FUZ: variants seen among roughly 807,000 people sequenced by gnomAD.
FUZ encodes the protein fuzzy planar cell polarity protein, also known as protein fuzzy homolog.
FUZ carries 31 observed loss-of-function variants against 43.1 expected under a neutral mutation model. The ratio of observed to expected loss-of-function variants is 0.72; its 90% CI spans 0.54 to 0.97. The LOEUF (loss-of-function observed/expected upper bound fraction) is 0.97, where lower values mean the gene tolerates loss of function less well. Among genes scored for constraint, FUZ ranks in the 50% least tolerant of loss-of-function variants. The pLI, the probability that FUZ is intolerant of heterozygous loss-of-function variation, is 0.00. For synonymous variants in FUZ, 274 were observed against 250.0 expected (o/e 1.10, Z -0.91); for missense variants, 539 against 543.8 (o/e 0.99, Z 0.09).
In FUZ at chr19:49,808,747, C is replaced by G; in HGVS notation, c.863G>C (p.Ser288Thr). 6.3e-7 allele frequency: 1 copy of G among 1,582,974 alleles called. No individual in the cohort carries two copies. The highest frequency in any genetic ancestry group is 1.1e-5 in the South Asian group (1 of 87,292). The change falls in exon 8 of 11, where the codon AGT becomes ACT. Residue 288 changes from serine to threonine, a missense_variant. Ser to Thr is a moderately conservative substitution (Grantham distance 58). Transcript: ENST00000313777. ...GATGTCTGTGTGAAGGGGGAAGCCA[C>G]TGGGCAGCGCCCGGGGTCCCAACGG... The part of the protein sequence containing the change: ...CLPLGPRALP[S>T]GFPLHTDILG...
chr19:49,808,208 G>C, intron 10 of FUZ: 1 of 644,708 alleles, frequency 1.6e-6, no homozygotes, highest in Non-Finnish European at 2.8e-6. Flanking sequence ...CTATGATCCA[G>C]GAGATTCTGA....
In FUZ at chr19:49,809,879, G is replaced by A. The variant is rs542284107; in HGVS notation, c.493-304C>T. The A allele has an allele frequency of 2.4e-5, 12 of 490,654 alleles. No individual in the cohort carries two copies. The South Asian group carries it at 2.5e-4, about 10-fold the overall frequency. 30.4% of individuals were successfully genotyped at this position (490,654 alleles called of 1,614,324 possible). A position where few individuals can be genotyped will look rare whatever the true frequency, so the allele number is the denominator to read the frequency against. On this transcript the variant is annotated intron_variant, in intron 5 of 10. Transcript: ENST00000313777. This position sits in a 1 kb window ranked among gnomAD's most constrained non-coding sequence, Gnocchi z 5.1. Reference sequence around the variant, plus strand: ...TCCAGGCCTGTTACATGCCGAGTAGGCACCATTAGCAACGTAGAGAAGCCA... The same window carrying A: ...TCCAGGCCTGTTACATGCCGAGTAGACACCATTAGCAACGTAGAGAAGCCA...
chr19:49,812,095 G>C (rs373740682), intron 3 of FUZ, among the ~76,000 whole-genome samples, 156 bp downstream of exon 3: 97 of 152,296 alleles, frequency 6.4e-4, no homozygotes, highest in African/African-American at 2.2e-3. Context: ...GCAACAGAGC[G>C]AGACTCCGTC....
intron 5 of FUZ, among the ~76,000 whole-genome samples, chr19:49,810,383 G>A (rs867941286): frequency 6.6e-6 from 1 of 151,482 alleles, no homozygotes; most frequent in South Asian, 2.1e-4. Context: ...AAAAAAAATA[G>A]CTGAATGTCA....
In FUZ at chr19:49,806,875, T is replaced by C. The variant is rs747581769; in HGVS notation, c.*276A>G. 8.5e-5 allele frequency: 133 copies of C among 1,565,332 alleles called. No homozygotes were observed. Among genetic ancestry groups the C allele is most frequent in the Non-Finnish European group, 1.1e-4 (127 of 1,159,748 alleles). ...AGAGAAGACACCAGGGTTTGGGGGA[T>C]GCCTGGGACTTTCCTCCGGCCTTTT... On this transcript the variant is annotated 3_prime_UTR_variant, in exon 11 of 11. Transcript: ENST00000313777.
intron 5 of FUZ, 152 bp downstream of exon 5, chr19:49,811,211 A>T: frequency 1.4e-6 from 1 of 692,620 alleles, no homozygotes; most frequent in East Asian, 2.7e-5. Flanking sequence ...GAAAAAAAAA[A>T]AAGAAAAAAG....
At chr19:49,812,189 GA>G in intron 3 of FUZ, 61 bp downstream of exon 3, 1 of 1,190,918 alleles carries the variant, frequency 8.4e-7, no homozygotes, top group Non-Finnish European at 1.2e-6. Flanking sequence ...AGGTCTGAGG[GA>G]AAAGGATGCT....
Position 49,809,859 on chromosome 19 carries a change from G to C in FUZ, c.493-284C>G, listed in dbSNP as rs962431555. The C allele has an allele frequency of 2.1e-5, 11 of 533,654 alleles. No homozygotes were observed. The highest frequency in any genetic ancestry group is 3.7e-5 in the Non-Finnish European group (11 of 293,754). The allele number at this position is 533,654 out of a possible 1,614,324, so 33.1% of individuals were successfully genotyped here. ...ACCGCAGCAGCTACCGTTCATCCAGGCCTGTTACATGCCGAGTAGGCACCA... is the reference window on the plus strand; with the variant it reads ...ACCGCAGCAGCTACCGTTCATCCAGCCCTGTTACATGCCGAGTAGGCACCA... On this transcript the variant is annotated intron_variant, in intron 5 of 10. Transcript: ENST00000313777. The surrounding 1 kb of genome is among the most constrained non-coding windows in gnomAD (Gnocchi z 5.1).
Position 49,809,120 on chromosome 19 carries a change from G to T in FUZ, c.786+43C>A. 1 of 1,521,288 alleles carries T rather than the reference G, an allele frequency of 6.6e-7. No homozygotes were observed. Among genetic ancestry groups the T allele is most frequent in the Non-Finnish European group, 8.9e-7 (1 of 1,120,280 alleles). The allele number at this position is 1,521,288 out of a possible 1,614,324, so 94.2% of individuals were successfully genotyped here. The stretch of plus-strand genomic sequence containing the variant: ...GTGGTGGGGAAGGGCCCTCCTGGTA[G>T]CGGGTGTCCTAAGAGCGAAAGCGGG... On this transcript the variant is annotated intron_variant, in intron 7 of 10. Transcript: ENST00000313777. The surrounding 1 kb of genome is among the most constrained non-coding windows in gnomAD (Gnocchi z 5.1).
At chr19:49,812,569 A>C in intron 2 of FUZ, 46 bp downstream of exon 2, 2 of 1,613,298 alleles carry the variant, frequency 1.2e-6, no homozygotes, top group Non-Finnish European at 1.7e-6. Flanking sequence ...TTCAACAGGG[A>C]CTATCACCCA....
chr19:49,808,883 CG>C (rs540275752), intron 7 of FUZ, 60 bp from the exon 8 acceptor site: 33 of 581,254 alleles, frequency 5.7e-5, no homozygotes, highest in Non-Finnish European at 7.5e-5. Context: ...CGGGGGAGGT[CG>C]GGGGGTGTAC....
intron 5 of FUZ, among the ~76,000 whole-genome samples, chr19:49,810,593 C>T (rs996456541): frequency 3.4e-5 from 5 of 148,350 alleles, no homozygotes; most frequent in African/African-American, 5.0e-5. Flanking sequence ...GCAGGGGAAT[C>T]GTTTGAACCC....
At position 49,809,221 on chromosome 19, in the gene FUZ, CTCGGCAGCAGAG is replaced by C. The variant is rs1568602120; in HGVS notation, c.716_727del (p.Thr239_Pro242del). ...CCCGCAGAGTAGACACAGCTCCAGG[CTCGGCAGCAGAG>C]TCAGGGTCAGGAGCCGGTGTGGGAC... On this transcript the variant is annotated inframe_deletion, in exon 7 of 11. Transcript: ENST00000313777. This position sits in a 1 kb window ranked among gnomAD's most constrained non-coding sequence, Gnocchi z 5.1. 1 of 1,551,224 alleles carries C rather than the reference CTCGGCAGCAGAG, an allele frequency of 6.4e-7. No individual in the cohort carries two copies. Among genetic ancestry groups the C allele is most frequent in the Non-Finnish European group, 8.7e-7 (1 of 1,147,020 alleles).
chr19:49,809,642 G>C lies in FUZ; in HGVS notation c.493-67C>G, dbSNP rs2073657849. 2.0e-6 allele frequency: 3 copies of C among 1,484,518 alleles called. No individual in the cohort carries two copies. Among genetic ancestry groups the C allele is most frequent in the African/African-American group, 2.8e-5 (2 of 72,090 alleles). 92.0% of individuals were successfully genotyped at this position (1,484,518 alleles called of 1,614,324 possible). On this transcript the variant is annotated intron_variant, in intron 5 of 10. Coordinates refer to ENST00000313777, the MANE Select transcript of FUZ (RefSeq NM_025129.5). This position sits in a 1 kb window ranked among gnomAD's most constrained non-coding sequence, Gnocchi z 5.1. ...CGTAGGGGGTGGCAGCGACTTCCCA[G>C]ATGGGCAGGGAATGGGGAGAAACCC...
Position 49,806,990 on chromosome 19 carries a change from G to A in FUZ, c.*161C>T. On this transcript the variant is annotated 3_prime_UTR_variant, in exon 11 of 11. Transcript: ENST00000313777. The stretch of plus-strand genomic sequence containing the variant: ...CTCCCTTTCCCCCCCAAGCACAGAG[G>A]GGAGAGGGGCCAGGGAAGTGGATGT... 1 of 1,528,942 alleles carries A rather than the reference G, an allele frequency of 6.5e-7. No homozygotes were observed. 94.7% of individuals were successfully genotyped at this position (1,528,942 alleles called of 1,614,324 possible).
chr19:49,807,020 T>TCGC lies in FUZ; in HGVS notation c.*130_*131insGCG. The TCGC allele has an allele frequency of 1.5e-6, 2 of 1,338,570 alleles. No individual in the cohort carries two copies. The highest frequency in any genetic ancestry group is 2.0e-6 in the Non-Finnish European group (2 of 996,932). 82.9% of individuals were successfully genotyped at this position (1,338,570 alleles called of 1,614,324 possible). A position where few individuals can be genotyped will look rare whatever the true frequency, so the allele number is the denominator to read the frequency against. On this transcript the variant is annotated 3_prime_UTR_variant, in exon 11 of 11. Transcript: ENST00000313777. ...AGGGGCCAGGGAAGTGGATGTCTCC[T>TCGC]CCCCTCCCACCCCACCCTGTTGTAG...
rs2123802960 is a variant in FUZ at position 49,809,070 on chromosome 19, G to C, written c.786+93C>G. 1 of 1,261,244 alleles carries C rather than the reference G, an allele frequency of 7.9e-7. No individual in the cohort carries two copies. The highest frequency in any genetic ancestry group is 1.3e-5 in the South Asian group (1 of 78,180). 78.1% of individuals were successfully genotyped at this position (1,261,244 alleles called of 1,614,324 possible). A position where few individuals can be genotyped will look rare whatever the true frequency, so the allele number is the denominator to read the frequency against. On this transcript the variant is annotated intron_variant, in intron 7 of 10. Coordinates refer to ENST00000313777, the MANE Select transcript of FUZ (RefSeq NM_025129.5). This position sits in a 1 kb window ranked among gnomAD's most constrained non-coding sequence, Gnocchi z 5.1. Reference sequence around the variant, plus strand: ...CGCAGTCCAGAAGAGGCGGGGCTGGGGAAAGATGCCGCTGGCAGGGCAGGG... The same window carrying C: ...CGCAGTCCAGAAGAGGCGGGGCTGGCGAAAGATGCCGCTGGCAGGGCAGGG...
intron 5 of FUZ, among the ~76,000 whole-genome samples, chr19:49,810,552 G>A (rs1046156992): frequency 1.3e-5 from 2 of 151,594 alleles, no homozygotes; most frequent in East Asian, 3.9e-4. Context: ...GGTGACCAGC[G>A]CTTATAATCC....
chr19:49,811,807 G>A (rs1402565914), intron 3 of FUZ, 108 bp from the exon 4 acceptor site: 10 of 963,862 alleles, frequency 1.0e-5, no homozygotes, highest in Non-Finnish European at 1.7e-5. Context: ...GGACTGGGGA[G>A]TCAAGATTCC....
Sources: allele counts gnomAD v4.1 joint callset (sites outside exome capture counted in the v4.1 genomes callset), GRCh38; gene constraint gnomAD v4.1.1; non-coding constraint Gnocchi (gnomAD v3.1); transcripts MANE v1.5; gene names NCBI Gene and HGNC (gene_info 2026-07-23, HGNC 2026-07-21).